Variants in TP63 observed in about 807,000 individuals in gnomAD.
The protein encoded by TP63 is tumor protein 63.
TP63 carries 17 observed loss-of-function variants against 82.8 expected under a neutral mutation model. That is an observed-to-expected ratio of 0.21 (90% CI 0.14 to 0.31). The LOEUF (loss-of-function observed/expected upper bound fraction) is 0.31. TP63 is among the 10% of genes least tolerant of loss of function. The pLI, the probability that TP63 is intolerant of heterozygous loss-of-function variation, is 1.00. For missense variants in TP63, 648 were observed against 895.3 expected, an observed-to-expected ratio of 0.72 and a Z score of 3.52; for synonymous variants, 330 against 321.7, an observed-to-expected ratio of 1.03 and a Z score of -0.28.
chr3:189,743,166 T>A (rs1721126229), intron 3 of TP63, among the ~76,000 whole-genome samples: 1 of 152,114 alleles, frequency 6.6e-6, no homozygotes, highest in Admixed American at 6.5e-5. Context: ...TGGAAAAAGA[T>A]ATAGGTAATT....
intron 3 of TP63, among the ~76,000 whole-genome samples, chr3:189,754,584 G>A (rs1253694471): frequency 3.9e-5 from 6 of 152,042 alleles, no homozygotes; most frequent in Admixed American, 3.3e-4. Flanking sequence ...TCCTTGCCGT[G>A]TGCCTTTTCC....
intron 1 of TP63, among the ~76,000 whole-genome samples, chr3:189,661,186 C>A (rs575312299): frequency 5.9e-5 from 9 of 152,090 alleles, no homozygotes; most frequent in Middle Eastern, 6.8e-3. Flanking sequence ...TGTGCACACT[C>A]AGTATGATGT....
chr3:189,744,300 A>G (rs1184051135), intron 3 of TP63, among the ~76,000 whole-genome samples: 2 of 152,152 alleles, frequency 1.3e-5, no homozygotes, highest in African/African-American at 4.8e-5. Flanking sequence ...CAAAGCAGCT[A>G]TTTCCTTCCC....
At chr3:189,838,350 A>C (rs562060126) in intron 4 of TP63, among the ~76,000 whole-genome samples, 1 of 152,286 alleles carries the variant, frequency 6.6e-6, no homozygotes, top group Non-Finnish European at 1.5e-5. Flanking sequence ...AAACATGTTA[A>C]TAGATAGATT....
At chr3:189,846,441 G>C (rs1714875517) in intron 4 of TP63, among the ~76,000 whole-genome samples, 1 of 152,156 alleles carries the variant, frequency 6.6e-6, no homozygotes, top group Admixed American at 6.5e-5. Context: ...AGTATACAAG[G>C]AAATTTGGTT....
chr3:189,702,710 G>A (rs1717906084), intron 1 of TP63, among the ~76,000 whole-genome samples: 1 of 152,192 alleles, frequency 6.6e-6, no homozygotes, highest in African/African-American at 2.4e-5. Context: ...GGATTGAGCA[G>A]AGCAAAAAGT....
intron 4 of TP63, among the ~76,000 whole-genome samples, chr3:189,813,694 C>A (rs759172301): frequency 6.6e-6 from 1 of 151,596 alleles, no homozygotes; most frequent in Admixed American, 6.6e-5. Context: ...TTGTATCTTT[C>A]TCCTGTCATT....
chr3:189,744,024 G>T (rs75749390), intron 3 of TP63, among the ~76,000 whole-genome samples: 7,345 of 152,198 alleles, frequency 0.048, 337 homozygotes, highest in East Asian at 0.24. Flanking sequence ...GCTGCAGCAT[G>T]ACACCATTTC....
intron 1 of TP63, among the ~76,000 whole-genome samples, chr3:189,632,122 T>G (rs1333038156): frequency 6.6e-6 from 1 of 151,690 alleles, no homozygotes; most frequent in Non-Finnish European, 1.5e-5. Flanking sequence ...TAGAAACATT[T>G]GCCTAGTACT....
At chr3:189,844,631 T>C (rs1714625114) in intron 4 of TP63, among the ~76,000 whole-genome samples, 2 of 152,202 alleles carry the variant, frequency 1.3e-5, no homozygotes, top group Admixed American at 1.3e-4. Context: ...TTTCTCGATA[T>C]GAAATTTAAA....
intron 3 of TP63, among the ~76,000 whole-genome samples, chr3:189,780,621 C>A (rs963869959): frequency 6.6e-6 from 1 of 152,060 alleles, no homozygotes; most frequent in African/African-American, 2.4e-5. Context: ...TGTTTTGGAC[C>A]AAGATCTCCT....
At chr3:189,677,880 G>T (rs548822361) in intron 1 of TP63, among the ~76,000 whole-genome samples, 5 of 151,938 alleles carry the variant, frequency 3.3e-5, no homozygotes, top group African/African-American at 7.2e-5. Flanking sequence ...ATATGTTTTG[G>T]ACATCTGTGT....
At chr3:189,815,452 A>G (rs1362255916) in intron 4 of TP63, among the ~76,000 whole-genome samples, 1 of 152,192 alleles carries the variant, frequency 6.6e-6, no homozygotes, top group South Asian at 2.1e-4. Flanking sequence ...CATCTGCTTT[A>G]CAATCCCAGA....
At chr3:189,869,653 T>C (rs1252120527) in intron 9 of TP63, among the ~76,000 whole-genome samples, 2 of 151,982 alleles carry the variant, frequency 1.3e-5, no homozygotes, top group Admixed American at 6.5e-5. Context: ...TCTTCTGAGT[T>C]GCAAACTGCC....
intron 3 of TP63, among the ~76,000 whole-genome samples, chr3:189,794,714 G>C (rs1425652767): frequency 6.6e-6 from 1 of 152,056 alleles, no homozygotes; most frequent in Non-Finnish European, 1.5e-5. Context: ...GCCATGGAAG[G>C]ATTTCGAACA....
At chr3:189,618,637 C>G in the TP63 span, among the ~76,000 whole-genome samples, 14 of 152,172 alleles carry the variant, frequency 9.2e-5, no homozygotes, top group Non-Finnish European at 1.8e-4. Flanking sequence ...CTCCTACCCC[C>G]AGCTCTGAGA....
chr3:189,732,417 A>T (rs1405309992), intron 1 of TP63, among the ~76,000 whole-genome samples: 2 of 152,174 alleles, frequency 1.3e-5, no homozygotes, highest in Admixed American at 1.3e-4. Flanking sequence ...GATGGAAGGG[A>T]GGGATAGGTT....
At chr3:189,828,223 A>G (rs1468599099) in intron 4 of TP63, among the ~76,000 whole-genome samples, 1 of 151,544 alleles carries the variant, frequency 6.6e-6, no homozygotes, top group Non-Finnish European at 1.5e-5. Context: ...CCTGGGCAAC[A>G]GAGCGAGACT....
chr3:189,755,884 A>G (rs1722150791), intron 3 of TP63, among the ~76,000 whole-genome samples: 1 of 152,196 alleles, frequency 6.6e-6, no homozygotes, highest in African/African-American at 2.4e-5. Context: ...ACCAAATTGC[A>G]ATAGTGTCTC....
Sources: gnomAD v4.1 joint callset for allele counts (sites outside exome capture counted in the v4.1 genomes callset) on GRCh38, gnomAD v4.1.1 for gene constraint, MANE v1.5 for transcripts, NCBI Gene and HGNC (gene_info 2026-07-23, HGNC 2026-07-21) for gene names.